The following CWC27 variants were observed in gnomAD, a reference collection of about 807,000 sequenced individuals.
The protein encoded by CWC27 is CWC27 spliceosome associated cyclophilin, also known as spliceosome-associated protein CWC27 homolog.
CWC27 carries 47 observed loss-of-function variants against 63.6 expected under a neutral mutation model. The ratio of observed to expected loss-of-function variants is 0.74; its 90% CI spans 0.58 to 0.94. The LOEUF (loss-of-function observed/expected upper bound fraction) is 0.94. Among genes scored for constraint, CWC27 ranks in the 40% least tolerant of loss-of-function variants. CWC27 has a pLI of 0.00. For synonymous variants in CWC27, 175 were observed against 179.8 expected (o/e 0.97, Z 0.22); for missense variants, 495 against 554.3 (o/e 0.89, Z 1.07).
chr5:65,009,292 A>G (rs1219040496), intron 13 of CWC27, among the ~76,000 whole-genome samples: 4 of 152,216 alleles, frequency 2.6e-5, no homozygotes, highest in African/African-American at 9.6e-5. Context: ...ATCCACCCCC[A>G]TGACCCAAAC....
intron 13 of CWC27, among the ~76,000 whole-genome samples, chr5:65,012,026 C>T (rs1749970403): frequency 6.6e-6 from 1 of 152,208 alleles, no homozygotes. Flanking sequence ...GATGCTCCCA[C>T]ATTGCTCAAG....
rs149330422 is a variant in CWC27, at chr5:64,845,449, G to T, written c.939-39994G>T. 1.7e-3 allele frequency among the ~76,000 whole-genome samples: 260 copies of T among 152,338 alleles called. 1 individual carries two copies. The highest frequency in any genetic ancestry group is 6.2e-3 in the African/African-American group (256 of 41,574). On this transcript the variant is annotated intron_variant, in intron 10 of 13. Coordinates refer to ENST00000381070, the MANE Select transcript of CWC27 (RefSeq NM_005869.4). Reference sequence around the variant, plus strand: ...AATACTACTCATAAAGATGTTCAGTGATGTACAAGAATATATGGATAGAAA... The same window carrying T: ...AATACTACTCATAAAGATGTTCAGTTATGTACAAGAATATATGGATAGAAA...
At chr5:64,837,159 GCT>G (rs1745678689) in intron 10 of CWC27, among the ~76,000 whole-genome samples, 1 of 151,984 alleles carries the variant, frequency 6.6e-6, no homozygotes, top group Non-Finnish European at 1.5e-5. Context: ...AGAAAATGAG[GCT>G]CTCTCTGCAT....
chr5:65,015,378 G>T (rs1241203051), intron 13 of CWC27, among the ~76,000 whole-genome samples: 1 of 152,172 alleles, frequency 6.6e-6, no homozygotes, highest in Non-Finnish European at 1.5e-5. Context: ...GTATTAATAA[G>T]ACAGTAAGTT....
At chr5:64,848,167 A>G (rs1746038474) in intron 10 of CWC27, among the ~76,000 whole-genome samples, 1 of 152,174 alleles carries the variant, frequency 6.6e-6, no homozygotes. Context: ...ATCAGAAATT[A>G]AAAGAGAAGA....
At chr5:64,889,476 C>T (rs556555258) in intron 11 of CWC27, among the ~76,000 whole-genome samples, 3 of 151,974 alleles carry the variant, frequency 2.0e-5, no homozygotes, top group Non-Finnish European at 4.4e-5. Context: ...TCAAATGACC[C>T]AATTTTGGGT....
intron 11 of CWC27, among the ~76,000 whole-genome samples, chr5:64,921,656 A>G (rs1411929211): frequency 6.6e-6 from 1 of 152,148 alleles, no homozygotes; most frequent in Admixed American, 6.5e-5. Context: ...GACCATTTAC[A>G]TTCAGGGTCA....
chr5:64,937,064 A>AT (rs1381242548), intron 11 of CWC27, among the ~76,000 whole-genome samples: 1 of 151,888 alleles, frequency 6.6e-6, no homozygotes, highest in Non-Finnish European at 1.5e-5. Flanking sequence ...GGATTCATTG[A>AT]TTTTTTGAAG....
At chr5:64,866,422 GT>G (rs1042177782) in intron 10 of CWC27, among the ~76,000 whole-genome samples, 12 of 152,084 alleles carry the variant, frequency 7.9e-5, no homozygotes, top group Admixed American at 7.2e-4. Flanking sequence ...GATGACTTAT[GT>G]TTTACCTAAG....
chr5:64,858,976 C>T (rs1746331163), intron 10 of CWC27, among the ~76,000 whole-genome samples: 2 of 152,134 alleles, frequency 1.3e-5, no homozygotes, highest in South Asian at 4.1e-4. Flanking sequence ...AATAGCCAAA[C>T]ACTGGAAGCA....
intron 11 of CWC27, among the ~76,000 whole-genome samples, chr5:64,906,050 G>A (rs901759162): frequency 6.6e-6 from 1 of 152,080 alleles, no homozygotes; most frequent in Non-Finnish European, 1.5e-5. Flanking sequence ...TGTTGTATAT[G>A]TGCCACATTT....
intron 11 of CWC27, among the ~76,000 whole-genome samples, chr5:64,968,446 G>A (rs1749063690): frequency 6.6e-6 from 1 of 152,062 alleles, no homozygotes; most frequent in African/African-American, 2.4e-5. Flanking sequence ...AATGTTTAAA[G>A]AGGCATTATT....
intron 13 of CWC27, among the ~76,000 whole-genome samples, chr5:65,017,629 T>G (rs1165833381): frequency 6.6e-6 from 1 of 152,210 alleles, no homozygotes; most frequent in African/African-American, 2.4e-5. Context: ...GAAGAAAATA[T>G]TTTTTAAACC....
At chr5:65,003,684 A>G (rs1468713222) in intron 13 of CWC27, among the ~76,000 whole-genome samples, 1 of 152,126 alleles carries the variant, frequency 6.6e-6, no homozygotes, top group Non-Finnish European at 1.5e-5. Flanking sequence ...ATTCTTGACT[A>G]GCAGTATCTG....
chr5:64,943,498 A>G (rs16893254), intron 11 of CWC27, among the ~76,000 whole-genome samples: 9,711 of 152,232 alleles, frequency 0.064, 1,039 homozygotes, highest in African/African-American at 0.22. Flanking sequence ...ATCTATTTAC[A>G]TGCTGGTATA....
At chr5:64,810,805 G>GAA (rs1172103075) in intron 10 of CWC27, among the ~76,000 whole-genome samples, 1 of 152,076 alleles carries the variant, frequency 6.6e-6, no homozygotes, top group Non-Finnish European at 1.5e-5. Context: ...TAATGTAAAA[G>GAA]TGGATGATAT....
At chr5:64,798,067 C>T (rs1423822251) in intron 7 of CWC27, among the ~76,000 whole-genome samples, 13 of 152,126 alleles carry the variant, frequency 8.5e-5, no homozygotes, top group South Asian at 4.1e-4. Flanking sequence ...AATAATCTGA[C>T]GGCCAGAGAT....
At chr5:64,896,723 A>G (rs1747385315) in intron 11 of CWC27, among the ~76,000 whole-genome samples, 1 of 152,046 alleles carries the variant, frequency 6.6e-6, no homozygotes, top group African/African-American at 2.4e-5. Flanking sequence ...AAGAAAAATA[A>G]ACATGGACTG....
At chr5:64,930,254 C>T (rs1433926467) in intron 11 of CWC27, among the ~76,000 whole-genome samples, 1 of 151,720 alleles carries the variant, frequency 6.6e-6, no homozygotes, top group Non-Finnish European at 1.5e-5. Context: ...GGTATTTTTG[C>T]TAACAGGTAG....
Sources: allele counts gnomAD v4.1 joint callset (sites outside exome capture counted in the v4.1 genomes callset), GRCh38; gene constraint gnomAD v4.1.1; transcripts MANE v1.5; gene names NCBI Gene and HGNC (gene_info 2026-07-23, HGNC 2026-07-21).